Variants in EYS observed in about 807,000 individuals in gnomAD.
The protein encoded by EYS is EGF-like photoreceptor maintenance factor, also known as protein eyes shut homolog.
A neutral mutation model predicts 282.1 loss-of-function variants in EYS; 250 were observed. That is an observed-to-expected ratio of 0.89 (90% CI 0.80 to 0.98). The LOEUF (loss-of-function observed/expected upper bound fraction) is 0.98. Ranked by LOEUF, EYS falls within the 50% of genes least tolerant of loss-of-function variation. The probability of loss-of-function intolerance (pLI) is 0.00; values close to 1 mark genes in which losing one functional copy is unlikely to be tolerated. For synonymous variants in EYS, 1,355 were observed against 1,282.9 expected, an observed-to-expected ratio of 1.06 and a Z score of -1.20; for missense variants, 4,016 against 3,709.0, an observed-to-expected ratio of 1.08 and a Z score of -2.15.
Position 65,322,856 on chromosome 6 carries a change from C to T in EYS, c.1766+12124G>A, listed in dbSNP as rs1769514562. 2.7e-5 allele frequency among the ~76,000 whole-genome samples: 4 copies of T among 149,806 alleles called. No individual in the cohort carries two copies. The South Asian group carries it at 8.4e-4, about 32-fold the overall frequency. On this transcript the variant is annotated intron_variant, in intron 11 of 42. Transcript: ENST00000503581. Reference sequence around the variant, plus strand: ...CAGGCCAGACTCCATCTCAGGCTCACTGGTTCCAATGTGTTCCATCCATAC... The same window carrying T: ...CAGGCCAGACTCCATCTCAGGCTCATTGGTTCCAATGTGTTCCATCCATAC...
At chr6:65,382,833 C>T (rs1765669009) in intron 8 of EYS, among the ~76,000 whole-genome samples, 1 of 151,958 alleles carries the variant, frequency 6.6e-6, no homozygotes, top group East Asian at 1.9e-4. Context: ...TGGTGCCCAC[C>T]TAGATTAAGG....
intron 33 of EYS, among the ~76,000 whole-genome samples, chr6:64,060,636 G>T (rs1771134798): frequency 6.6e-6 from 1 of 152,032 alleles, no homozygotes; most frequent in Non-Finnish European, 1.5e-5. Flanking sequence ...TAATTAAAAT[G>T]AATTTTAAAA....
chr6:65,620,899 A>T (rs1299965889), intron 2 of EYS, among the ~76,000 whole-genome samples: 2 of 152,140 alleles, frequency 1.3e-5, no homozygotes, highest in African/African-American at 2.4e-5. Context: ...CTAGTTTGAT[A>T]GCACTGTGGT....
chr6:64,700,488 G>A (rs1770744622), intron 22 of EYS, among the ~76,000 whole-genome samples: 1 of 151,936 alleles, frequency 6.6e-6, no homozygotes, highest in African/African-American at 2.4e-5. Context: ...AAAGGCTAAA[G>A]ACTCCTGCAA....
chr6:64,073,483 G>C (rs965380713), intron 32 of EYS, among the ~76,000 whole-genome samples: 1 of 151,606 alleles, frequency 6.6e-6, no homozygotes, highest in Non-Finnish European at 1.5e-5. Flanking sequence ...GAGGAACTCT[G>C]GTTTTTCCAA....
chr6:65,407,772 TG>T lies in EYS; in HGVS notation c.863-2406del, dbSNP rs1391682869. Among the ~76,000 whole-genome samples, 429 of 151,452 alleles carry T rather than the reference TG, an allele frequency of 2.8e-3. 5 individuals carry two copies. The highest frequency in any genetic ancestry group is 0.01 in the African/African-American group (416 of 41,126). On this transcript the variant is annotated intron_variant, in intron 5 of 42. Transcript: ENST00000503581. ...GTGTGTGTGTGTGTGTGTGTGTGTG[TG>T]TGTGTGTGTGTGTATGTCTAACAAA...
Position 64,591,815 on chromosome 6 carries a change from A to C in EYS, c.4052T>G (p.Leu1351Arg), listed in dbSNP as rs759027016. 190 of 1,551,210 alleles carry C rather than the reference A, an allele frequency of 1.2e-4. No homozygotes were observed. Among genetic ancestry groups the C allele is most frequent in the Non-Finnish European group, 1.6e-4 (185 of 1,146,736 alleles). The change falls in exon 26 of 43, where the codon CTG (leucine) becomes CGG (arginine). Residue 1351 changes from leucine to arginine, a missense_variant. Coordinates refer to ENST00000503581, the MANE Select transcript of EYS (RefSeq NM_001142800.2). ...SSADVSSSRFLNFGIRDPAQI... is the reference protein window; with the variant it reads ...SSADVSSSRFRNFGIRDPAQI... ...TGCTGGGTCACGAATACCAAAATTC[A>C]GGAATCGAGAAGAGGAAACATCTGC...
chr6:64,024,623 G>A (rs1769388183), intron 33 of EYS, among the ~76,000 whole-genome samples: 1 of 152,002 alleles, frequency 6.6e-6, no homozygotes, highest in Non-Finnish European at 1.5e-5. Flanking sequence ...GGTCCACACT[G>A]CCTTTATGAG....
At chr6:65,045,180 C>G (rs1384187799) in intron 13 of EYS, among the ~76,000 whole-genome samples, 1 of 151,808 alleles carries the variant, frequency 6.6e-6, no homozygotes, top group African/African-American at 2.4e-5. Context: ...TTACTGTTTG[C>G]CTTTTTGTGT....
rs1491006690 is a variant in EYS, at chr6:65,460,098, CAT to C, written c.862+30494_862+30495del. Among the ~76,000 whole-genome samples, 163 of 142,808 alleles carry C rather than the reference CAT, an allele frequency of 1.1e-3. 1 individual carries two copies. The highest frequency in any genetic ancestry group is 3.6e-3 in the African/African-American group (140 of 38,416). The allele number at this position is 142,808 out of a possible 152,430, so 93.7% of individuals were successfully genotyped here. A position where few individuals can be genotyped will look rare whatever the true frequency, so the allele number is the denominator to read the frequency against. Reference sequence around the variant, plus strand: ...ATACACACACACACACACACACACACATACATATAAAATATCCTCTAAGAGAA... The same window carrying C: ...ATACACACACACACACACACACACACACATATAAAATATCCTCTAAGAGAA... On this transcript the variant is annotated intron_variant, in intron 5 of 42. Coordinates refer to ENST00000503581, the MANE Select transcript of EYS (RefSeq NM_001142800.2).
chr6:64,431,904 C>T (rs535050469), intron 28 of EYS, among the ~76,000 whole-genome samples: 1 of 152,222 alleles, frequency 6.6e-6, no homozygotes, highest in South Asian at 2.1e-4. Context: ...GAGAAAATAT[C>T]TGCCAGTGTG....
At chr6:64,571,402 C>A (rs1164580360) in intron 26 of EYS, among the ~76,000 whole-genome samples, 4 of 152,064 alleles carry the variant, frequency 2.6e-5, no homozygotes, top group Non-Finnish European at 5.9e-5. Context: ...CAAAAACCAG[C>A]AGAAGACAAG....
chr6:64,579,962 G>T (rs1766007009), intron 26 of EYS, among the ~76,000 whole-genome samples: 1 of 152,018 alleles, frequency 6.6e-6, no homozygotes, highest in African/African-American at 2.4e-5. Flanking sequence ...TAATTTATTG[G>T]GATTACTGTA....
chr6:65,526,389 T>C (rs1767564948), intron 2 of EYS, among the ~76,000 whole-genome samples: 1 of 152,186 alleles, frequency 6.6e-6, no homozygotes, highest in African/African-American at 2.4e-5. Flanking sequence ...GAATATTTCT[T>C]TTCTCTTAAA....
chr6:63,733,342 A>C (rs983326322), intron 41 of EYS, among the ~76,000 whole-genome samples: 1 of 152,016 alleles, frequency 6.6e-6, no homozygotes, highest in Non-Finnish European at 1.5e-5. Context: ...TATATGGGTA[A>C]AGTGCATGAT....
At chr6:64,510,394 T>C (rs757082722) in intron 26 of EYS, among the ~76,000 whole-genome samples, 8 of 152,134 alleles carry the variant, frequency 5.3e-5, no homozygotes, top group Non-Finnish European at 7.4e-5. Flanking sequence ...TTTAATGTCA[T>C]GCTAAAAATT....
intron 12 of EYS, among the ~76,000 whole-genome samples, chr6:65,286,587 G>A (rs1768374200): frequency 6.6e-6 from 1 of 151,606 alleles, no homozygotes; most frequent in Non-Finnish European, 1.5e-5. Flanking sequence ...TATTATCCAT[G>A]TACATAAGTT....
rs1770422031 is a variant in EYS at position 64,974,789 on chromosome 6, T to G, written c.2259+22793A>C. Among the ~76,000 whole-genome samples, 5 of 151,994 alleles carry G rather than the reference T, an allele frequency of 3.3e-5. No individual in the cohort carries two copies. The South Asian group carries it at 1.0e-3, about 31-fold the overall frequency. On this transcript the variant is annotated intron_variant, in intron 14 of 42. Coordinates refer to ENST00000503581, the MANE Select transcript of EYS (RefSeq NM_001142800.2). ...CCGCACAGCACAAAGAACAAGGACT[T>G]TTCACGTTTATGTGCTTAAATGTTA...
intron 5 of EYS, among the ~76,000 whole-genome samples, chr6:65,449,366 CA>C (rs1225011543): frequency 2.0e-5 from 3 of 151,942 alleles, no homozygotes; most frequent in African/African-American, 7.2e-5. Flanking sequence ...TTTGAGTTGT[CA>C]ATTCATAGAA....
Sources: gnomAD v4.1 joint callset for allele counts (sites outside exome capture counted in the v4.1 genomes callset) on GRCh38, gnomAD v4.1.1 for gene constraint, MANE v1.5 for transcripts, NCBI Gene and HGNC (gene_info 2026-07-23, HGNC 2026-07-21) for gene names.